DYRK1A: variants seen among roughly 807,000 people sequenced by gnomAD.
DYRK1A encodes dual specificity tyrosine-phosphorylation-regulated kinase 1A.
A neutral mutation model predicts 79.7 loss-of-function variants in DYRK1A; 9 were observed. That is an observed-to-expected ratio of 0.11 (90% CI 0.07 to 0.20). The LOEUF is 0.20. Among genes scored for constraint, DYRK1A ranks in the 10% least tolerant of loss-of-function variants. The pLI, the probability that DYRK1A is intolerant of heterozygous loss-of-function variation, is 1.00. For synonymous variants in DYRK1A, 349 were observed against 329.7 expected (o/e 1.06, Z -0.63); for missense variants, 622 against 956.0 (o/e 0.65, Z 4.61).
At position 37,491,973 on chromosome 21, in the gene DYRK1A, G is replaced by A. The variant is rs548568088; in HGVS notation, c.925-1044G>A. Among the ~76,000 whole-genome samples, 14 of 152,322 alleles carry A rather than the reference G, an allele frequency of 9.2e-5. No individual in the cohort carries two copies. The South Asian group carries it at 1.5e-3, about 16-fold the overall frequency. On this transcript the variant is annotated intron_variant, in intron 7 of 11. Coordinates refer to ENST00000647188, the MANE Select transcript of DYRK1A (RefSeq NM_001347721.2). ...AGATCTGTTGGATTAGAATCAGAAG[G>A]TGGTAGGGCAAGTGTGTTTTGGGGA...
At chr21:37,408,032 G>A (rs557599435) in intron 1 of DYRK1A, among the ~76,000 whole-genome samples, 30 of 152,080 alleles carry the variant, frequency 2.0e-4, no homozygotes, top group African/African-American at 6.7e-4. Flanking sequence ...AGAAATCAAA[G>A]CTTACATAGG....
At chr21:37,383,990 T>C (rs1028723618) in intron 1 of DYRK1A, among the ~76,000 whole-genome samples, 18 of 152,128 alleles carry the variant, frequency 1.2e-4, no homozygotes, top group African/African-American at 4.1e-4. Flanking sequence ...AAGAACTGTT[T>C]TCAGATATCA....
intron 1 of DYRK1A, among the ~76,000 whole-genome samples, chr21:37,387,476 A>G (rs538877877): frequency 6.6e-6 from 1 of 152,258 alleles, no homozygotes; most frequent in Admixed American, 6.5e-5. Flanking sequence ...CATTCTTTTT[A>G]GTAGCCACTC....
Position 37,515,533 on chromosome 21 carries a change from C to T in DYRK1A, c.*3002C>T, listed in dbSNP as rs1046678789. 1.3e-5 allele frequency: 2 copies of T among 152,050 alleles called. No individual in the cohort carries two copies. The highest frequency in any genetic ancestry group is 1.9e-4 in the East Asian group (1 of 5,188). The allele number at this position is 152,050 out of a possible 1,614,324, so 9.4% of individuals were successfully genotyped here. On this transcript the variant is annotated 3_prime_UTR_variant, in exon 12 of 12. Transcript: ENST00000647188. ...ACGTGCTTGGATGAAGGAAGGAATACGAATACTCATTCTTCCTTCCCTAAC... is the reference window on the plus strand; with the variant it reads ...ACGTGCTTGGATGAAGGAAGGAATATGAATACTCATTCTTCCTTCCCTAAC...
intron 8 of DYRK1A, among the ~76,000 whole-genome samples, chr21:37,494,372 C>T (rs1186084910): frequency 1.3e-5 from 2 of 152,088 alleles, no homozygotes; most frequent in Non-Finnish European, 2.9e-5. Flanking sequence ...GAGTAACCCA[C>T]AGATTCCTAC....
chr21:37,416,867 A>G (rs1001870708), intron 1 of DYRK1A, among the ~76,000 whole-genome samples: 1 of 152,170 alleles, frequency 6.6e-6, no homozygotes, highest in Non-Finnish European at 1.5e-5. Context: ...CATTTATATA[A>G]CATATAAAAT....
chr21:37,372,310 G>A (rs992868520), intron 1 of DYRK1A, among the ~76,000 whole-genome samples: 1 of 151,446 alleles, frequency 6.6e-6, no homozygotes, highest in African/African-American at 2.4e-5. Flanking sequence ...AAAAACAGGT[G>A]TGTTAGTGCC....
At chr21:37,366,422 G>C (rs1286011307), upstream of DYRK1A, among the ~76,000 whole-genome samples, 2 of 146,474 alleles carry the variant, frequency 1.4e-5, no homozygotes, top group Non-Finnish European at 3.0e-5. Context: ...GGCGGGGCGG[G>C]GCGGCCGGGA....
At chr21:37,479,612 G>GTTTTTGTTTTTGTTTT (rs756471343) in intron 4 of DYRK1A, among the ~76,000 whole-genome samples, 2 of 47,160 alleles carry the variant, frequency 4.2e-5, no homozygotes, top group Non-Finnish European at 7.3e-5. Flanking sequence ...TTTTGTTTTT[G>GTTTTTGTTTTTGTTTT]TTTTTTGTTT....
intron 1 of DYRK1A, among the ~76,000 whole-genome samples, chr21:37,418,425 AAAG>A (rs1312438210): frequency 6.6e-6 from 1 of 152,232 alleles, no homozygotes; most frequent in Non-Finnish European, 1.5e-5. Context: ...AATTTTTAAT[AAAG>A]AATACTGATA....
intron 2 of DYRK1A, among the ~76,000 whole-genome samples, chr21:37,423,592 T>G (rs1203334844): frequency 6.6e-6 from 1 of 152,166 alleles, no homozygotes; most frequent in Admixed American, 6.6e-5. Flanking sequence ...CCCTTTTATT[T>G]TTGATTTATA....
At chr21:37,369,246 T>C (rs1157083869) in intron 1 of DYRK1A, among the ~76,000 whole-genome samples, 1 of 152,248 alleles carries the variant, frequency 6.6e-6, no homozygotes, top group Non-Finnish European at 1.5e-5. Flanking sequence ...CCTTTAGCTT[T>C]TGTGTTGTTT....
At chr21:37,497,026 T>C (rs995340888) in intron 9 of DYRK1A, among the ~76,000 whole-genome samples, 3 of 152,210 alleles carry the variant, frequency 2.0e-5, no homozygotes, top group Non-Finnish European at 4.4e-5. Context: ...TGTATAAATA[T>C]GTGATTGAAT....
Position 37,512,043 on chromosome 21 carries a change from C to G in DYRK1A, c.1777C>G (p.His593Asp). 1 of 1,614,148 alleles carries G rather than the reference C, an allele frequency of 6.2e-7. No homozygotes were observed. The highest frequency in any genetic ancestry group is 1.1e-5 in the South Asian group (1 of 91,084). Residue 593 changes from histidine (H) to aspartate (D), a missense_variant, in exon 12 of 12, where the codon CAT becomes GAT. Coordinates refer to ENST00000647188, the MANE Select transcript of DYRK1A (RefSeq NM_001347721.2). ...TCAACAGAATGCATTGCATCATCAC[C>G]ATGGTAACAGTTCCCATCACCATCA... is the stretch of plus-strand genomic sequence containing the variant. The part of the protein sequence containing the change: ...APQQNALHHH[H>D]GNSSHHHHHH...
At chr21:37,399,918 C>T (rs2050023553) in intron 1 of DYRK1A, among the ~76,000 whole-genome samples, 1 of 152,114 alleles carries the variant, frequency 6.6e-6, no homozygotes, top group South Asian at 2.1e-4. Context: ...CTTTTTTTAA[C>T]CTACTTGTAT....
At chr21:37,390,729 C>T (rs777266473) in intron 1 of DYRK1A, among the ~76,000 whole-genome samples, 5 of 152,132 alleles carry the variant, frequency 3.3e-5, no homozygotes, top group Non-Finnish European at 4.4e-5. Flanking sequence ...TCACCACACC[C>T]GGCTAATTTT....
chr21:37,433,806 A>C (rs980254195), intron 2 of DYRK1A, among the ~76,000 whole-genome samples: 1 of 152,226 alleles, frequency 6.6e-6, no homozygotes, highest in African/African-American at 2.4e-5. Context: ...ATGTGTGACT[A>C]AAATATTGAT....
chr21:37,390,884 A>C (rs2049857952), intron 1 of DYRK1A, among the ~76,000 whole-genome samples: 1 of 152,088 alleles, frequency 6.6e-6, no homozygotes. Context: ...ACTGTTTTTC[A>C]ACTGTCCTGA....
chr21:37,437,718 A>G (rs139756028), intron 2 of DYRK1A, among the ~76,000 whole-genome samples: 2 of 152,260 alleles, frequency 1.3e-5, no homozygotes, highest in Admixed American at 1.3e-4. Flanking sequence ...GTAGTATTTC[A>G]TTGTGTGTAT....
Sources: gnomAD v4.1 joint callset for allele counts (sites outside exome capture counted in the v4.1 genomes callset) on GRCh38, gnomAD v4.1.1 for gene constraint, MANE v1.5 for transcripts, NCBI Gene and HGNC (gene_info 2026-07-23, HGNC 2026-07-21) for gene names.